Variants in USP34 observed in about 807,000 individuals in gnomAD.
The protein encoded by USP34 is ubiquitin carboxyl-terminal hydrolase 34.
A neutral mutation model predicts 460.3 loss-of-function variants in USP34; 70 were observed. The observed-to-expected ratio is 0.15, with a 90% CI of 0.13 to 0.19. The LOEUF is 0.19. USP34 is among the 10% of genes least tolerant of loss of function. USP34 has a pLI of 1.00. For synonymous variants in USP34, 1,647 were observed against 1,405.3 expected (o/e 1.17, Z -3.85); for missense variants, 3,985 against 4,236.2 (o/e 0.94, Z 1.65).
At chr2:61,230,075 C>T (rs982142655) in intron 58 of USP34, among the ~76,000 whole-genome samples, 8 of 152,082 alleles carry the variant, frequency 5.3e-5, no homozygotes, top group African/African-American at 1.9e-4. Context: ...AAATGTGTAA[C>T]CATTTTGAGA....
intron 42 of USP34, 23 bp from the exon 43 acceptor site, chr2:61,265,580 A>T (rs763907918): frequency 6.3e-7 from 1 of 1,578,508 alleles, no homozygotes. Context: ...GAGGGAGGAA[A>T]AGATCCCCCC....
At chr2:61,246,172 T>A in intron 50 of USP34, 152 bp downstream of exon 50, 2 of 506,542 alleles carry the variant, frequency 3.9e-6, no homozygotes, top group Non-Finnish European at 6.6e-6. Context: ...TAAGAACTGA[T>A]TTACACTGTC....
intron 43 of USP34, among the ~76,000 whole-genome samples, chr2:61,261,072 G>A (rs1450584270): frequency 8.5e-5 from 13 of 152,114 alleles, no homozygotes; most frequent in African/African-American, 2.2e-4. Flanking sequence ...CATGCAAAAC[G>A]GTGTAAGCCC....
chr2:61,324,886 G>C (rs1691036836), intron 21 of USP34, among the ~76,000 whole-genome samples: 2 of 152,188 alleles, frequency 1.3e-5, no homozygotes, highest in Middle Eastern at 3.4e-3. Flanking sequence ...ATTTATAAAT[G>C]TATTAAGAAT....
In USP34 at chr2:61,349,263, T is replaced by C. The variant is rs373757310; in HGVS notation, c.1530A>G (p.Thr510=). The C allele has an allele frequency of 4.5e-5, 73 of 1,613,516 alleles. No individual in the cohort carries two copies. The East Asian group carries it at 1.1e-3, about 24-fold the overall frequency. Residue 510 remains threonine, a synonymous_variant, in exon 13 of 80, where the codon ACA becomes ACG. Transcript: ENST00000398571. ...NKKEEEELRR[T]APSPWSPAAS... ...GGCTCAACTTACAAGGTGATGGAGC[T>C]GTTCTTCTAAGCTCTTCTTCCTCTG...
intron 8 of USP34, among the ~76,000 whole-genome samples, chr2:61,371,547 A>G (rs778458917): frequency 6.6e-6 from 1 of 152,132 alleles, no homozygotes; most frequent in Non-Finnish European, 1.5e-5. Flanking sequence ...TGTTATTATA[A>G]GAGTCAAAAC....
At chr2:61,457,455 ACT>A (rs1474262132) in intron 1 of USP34, among the ~76,000 whole-genome samples, 6 of 151,930 alleles carry the variant, frequency 3.9e-5, no homozygotes, top group African/African-American at 9.7e-5. Flanking sequence ...TTAAAGAAAA[ACT>A]CTGTTTCTGC....
intron 1 of USP34, among the ~76,000 whole-genome samples, chr2:61,425,551 G>A (rs1573029088): frequency 1.3e-5 from 2 of 152,220 alleles, no homozygotes; most frequent in African/African-American, 2.4e-5. Context: ...CAGGGAGGGA[G>A]CATTTAAACC....
At chr2:61,353,568 T>C (rs1486715576) in intron 10 of USP34, among the ~76,000 whole-genome samples, 1 of 125,066 alleles carries the variant, frequency 8.0e-6, no homozygotes, top group Non-Finnish European at 1.8e-5. Context: ...GTTTTGTTTT[T>C]GTTTTTGTTT....
chr2:61,399,874 C>CAAAAAAAAAAAAAAAAAAAAA (rs529141667), intron 3 of USP34, among the ~76,000 whole-genome samples: 6 of 70,002 alleles, frequency 8.6e-5, no homozygotes, highest in East Asian at 5.0e-4. Context: ...CACTGTCTCC[C>CAAAAAAAAAAAAAAAAAAAAA]AAAAAAAAAA....
rs528583019 is a variant in USP34 at position 61,303,327 on chromosome 2, A to C, written c.3818-1873T>G. On this transcript the variant is annotated intron_variant, in intron 27 of 79. Transcript: ENST00000398571. Reference sequence around the variant, plus strand: ...GTGATCCGCCTGCCTCGGCCCCCCAAAGTGCTGGGATTACAGCCATGAGCC... The same window carrying C: ...GTGATCCGCCTGCCTCGGCCCCCCACAGTGCTGGGATTACAGCCATGAGCC... Among the ~76,000 whole-genome samples, 316 of 152,216 alleles carry C rather than the reference A, an allele frequency of 2.1e-3. 1 individual carries two copies. The highest frequency in any genetic ancestry group is 4.0e-3 in the Non-Finnish European group (269 of 67,988).
chr2:61,386,814 G>T (rs552245000), intron 5 of USP34, among the ~76,000 whole-genome samples: 2 of 152,092 alleles, frequency 1.3e-5, no homozygotes, highest in East Asian at 3.9e-4. Flanking sequence ...AAAAAACTTT[G>T]TAAGTATCTT....
chr2:61,296,841 G>C lies in USP34; in HGVS notation c.4213C>G (p.Pro1405Ala). The C allele has an allele frequency of 2.5e-6, 4 of 1,613,750 alleles. No individual in the cohort carries two copies. The highest frequency in any genetic ancestry group is 2.5e-6 in the Non-Finnish European group (3 of 1,179,864). The change falls in exon 30 of 80, where the codon CCT becomes GCT. Residue 1405 changes from proline (P) to alanine (A), a missense_variant. Pro to Ala is a conservative substitution (Grantham distance 27). Around this residue, in one of 14 missense-constraint regions of USP34, gnomAD observed 1,114 missense variants for 1,122.5 expected, o/e 0.99. Transcript: ENST00000398571. ...TTCTGGAATGCCATCAACATATTAG[G>C]ACATGTAGGAAGAAGCATCAGTAGC... ...WELLMLLPTC[P>A]NMLMAFQNIS...
chr2:61,451,151 G>T (rs1040764839), intron 1 of USP34, among the ~76,000 whole-genome samples: 1 of 136,866 alleles, frequency 7.3e-6, no homozygotes, highest in East Asian at 2.2e-4. Context: ...AACCCGAGAG[G>T]TGGAAGTTGC....
chr2:61,249,783 C>T, intron 48 of USP34: 1 of 155,968 alleles, frequency 6.4e-6, no homozygotes, highest in Non-Finnish European at 1.4e-5. Context: ...GGGCAGTGTT[C>T]CAGCCTGTTT....
chr2:61,283,328 A>C, intron 36 of USP34, 59 bp from the exon 37 acceptor site: 1 of 1,582,824 alleles, frequency 6.3e-7, no homozygotes, highest in Non-Finnish European at 8.6e-7. Flanking sequence ...TGAAAACACA[A>C]TGTTCAATAT....
chr2:61,323,392 T>C (rs1690987564), intron 21 of USP34, among the ~76,000 whole-genome samples: 2 of 151,474 alleles, frequency 1.3e-5, no homozygotes, highest in Non-Finnish European at 2.9e-5. Flanking sequence ...TGGGCGCCTA[T>C]AGTCCCAGCT....
In USP34 at chr2:61,334,198, A is replaced by G. The variant is rs759036483; in HGVS notation, c.2745-227T>C. Among the ~76,000 whole-genome samples, 5 of 152,172 alleles carry G rather than the reference A, an allele frequency of 3.3e-5. No homozygotes were observed. In the South Asian group the frequency reaches 8.3e-4, roughly 25 times the overall value. On this transcript the variant is annotated intron_variant, in intron 18 of 79. Transcript: ENST00000398571. ...CAAGATCTTTAAGGTAAAACACACT[A>G]TAAATATCTGGGTAAAAAAGCAAGT...
chr2:61,365,254 A>AAT (rs1373667186), intron 10 of USP34, among the ~76,000 whole-genome samples: 1 of 76,324 alleles, frequency 1.3e-5, no homozygotes, highest in African/African-American at 6.9e-5. Context: ...TCCATTTCAA[A>AAT]ATACACACAC....
Sources: allele counts gnomAD v4.1 joint callset (sites outside exome capture counted in the v4.1 genomes callset), GRCh38; gene constraint gnomAD v4.1.1; regional missense constraint gnomAD v4.1.1; transcripts MANE v1.5; gene names NCBI Gene and HGNC (gene_info 2026-07-23, HGNC 2026-07-21).